The following NEK10 variants were observed in gnomAD, a reference collection of about 807,000 sequenced individuals.
NEK10 encodes NIMA related kinase 10, also known as serine/threonine-protein kinase Nek10.
In NEK10, 122 loss-of-function variants were observed where a neutral mutation model predicts 159.8. The observed-to-expected ratio is 0.76, with a 90% CI of 0.66 to 0.89. The LOEUF is 0.89. NEK10 is among the 40% of genes least tolerant of loss of function. The pLI, the probability that NEK10 is intolerant of heterozygous loss-of-function variation, is 0.00. For missense variants in NEK10, 1,342 were observed against 1,323.1 expected, an observed-to-expected ratio of 1.01 and a Z score of -0.22; for synonymous variants, 466 against 457.1, an observed-to-expected ratio of 1.02 and a Z score of -0.25.
At chr3:27,298,572 G>A (rs1461386795) in intron 13 of NEK10, among the ~76,000 whole-genome samples, 1 of 152,184 alleles carries the variant, frequency 6.6e-6, no homozygotes, top group African/African-American at 2.4e-5. Context: ...AATTGTGAAA[G>A]TGACTTTGGA....
intron 32 of NEK10, among the ~76,000 whole-genome samples, chr3:27,125,975 G>A (rs1941898527): frequency 6.6e-6 from 1 of 152,170 alleles, no homozygotes; most frequent in Non-Finnish European, 1.5e-5. Context: ...GGGAAGGAGA[G>A]CCCTGCTATA....
chr3:27,302,181 T>C (rs958234183), intron 12 of NEK10, among the ~76,000 whole-genome samples: 7 of 152,216 alleles, frequency 4.6e-5, no homozygotes, highest in Non-Finnish European at 8.8e-5. Context: ...CAATCTTCCT[T>C]TATTTTAAGA....
intron 31 of NEK10, among the ~76,000 whole-genome samples, chr3:27,135,287 A>G (rs999452730): frequency 6.6e-6 from 1 of 152,202 alleles, no homozygotes; most frequent in African/African-American, 2.4e-5. Flanking sequence ...ACATTTTTAC[A>G]TACTTTATTT....
chr3:27,328,984 A>T lies in NEK10; in HGVS notation c.363-6723T>A, dbSNP rs563333796. ...ACAAAAGATGAATTTACAGCAAAGG[A>T]GAGTGATATGGATTGGCTGTGTCCC... On this transcript the variant is annotated intron_variant, in intron 5 of 35. Transcript: ENST00000691995. Among the ~76,000 whole-genome samples the T allele has an allele frequency of 7.2e-5, 11 of 152,350 alleles. No homozygotes were observed. The East Asian group carries it at 2.1e-3, about 29-fold the overall frequency.
chr3:27,139,428 CA>C (rs1394981076), intron 31 of NEK10, among the ~76,000 whole-genome samples: 2 of 152,094 alleles, frequency 1.3e-5, no homozygotes, highest in African/African-American at 4.8e-5. Flanking sequence ...GGTCCTATTT[CA>C]ATATGATCCA....
chr3:27,226,008 G>C (rs1198535399), intron 23 of NEK10, among the ~76,000 whole-genome samples: 2 of 152,080 alleles, frequency 1.3e-5, no homozygotes, highest in African/African-American at 4.8e-5. Context: ...TTGAAGAAAT[G>C]TCCCAAACCA....
chr3:27,254,890 G>A (rs893785002), intron 23 of NEK10, among the ~76,000 whole-genome samples: 3 of 149,312 alleles, frequency 2.0e-5, no homozygotes, highest in South Asian at 2.1e-4. Context: ...TTCTTCCTAC[G>A]TATTCTATGG....
At chr3:27,322,349 G>C in intron 5 of NEK10, 88 bp from the exon 6 acceptor site, 1 of 771,748 alleles carries the variant, frequency 1.3e-6, no homozygotes, top group East Asian at 2.7e-5. Flanking sequence ...GGAGTATAAA[G>C]AACGCACTAA....
At chr3:27,307,967 C>T in intron 10 of NEK10, 22 bp from the exon 11 acceptor site, 1 of 1,155,462 alleles carries the variant, frequency 8.7e-7, no homozygotes, top group Non-Finnish European at 1.3e-6. Flanking sequence ...AAAATATTAG[C>T]AATTACTAAA....
At chr3:27,215,942 C>T (rs1393077087) in intron 23 of NEK10, 5 of 592,476 alleles carry the variant, frequency 8.4e-6, no homozygotes, top group South Asian at 2.2e-5. Context: ...GGGAGAAATT[C>T]GCCCCCATAA....
chr3:27,145,681 A>G (rs1021042806), intron 30 of NEK10, among the ~76,000 whole-genome samples: 3 of 152,118 alleles, frequency 2.0e-5, no homozygotes, highest in Non-Finnish European at 2.9e-5. Flanking sequence ...GACTAAATGC[A>G]TAAAACACCT....
intron 29 of NEK10, 132 bp downstream of exon 29, chr3:27,171,687 T>G (rs1575095380): frequency 4.9e-6 from 4 of 819,980 alleles, no homozygotes; most frequent in Non-Finnish European, 7.6e-6. Flanking sequence ...TAAACAGTTC[T>G]GGGCAAGTAA....
chr3:27,136,403 C>T (rs566269724), intron 31 of NEK10, among the ~76,000 whole-genome samples: 21 of 152,178 alleles, frequency 1.4e-4, no homozygotes, highest in Admixed American at 2.0e-4. Context: ...TGAGCCACCG[C>T]GCCCGGCCCC....
intron 23 of NEK10, chr3:27,206,432 T>A (rs2149070958): frequency 5.8e-6 from 1 of 170,950 alleles, no homozygotes; most frequent in South Asian, 1.9e-4. Flanking sequence ...TCGACTAGAA[T>A]AAAGGAGGTC....
chr3:27,173,865 A>G (rs956798057), intron 28 of NEK10, among the ~76,000 whole-genome samples: 13 of 152,214 alleles, frequency 8.5e-5, no homozygotes, highest in Non-Finnish European at 1.5e-4. Flanking sequence ...AACTTTATCT[A>G]AATATACCTT....
At chr3:27,321,050 G>A (rs2045587798) in intron 6 of NEK10, among the ~76,000 whole-genome samples, 1 of 151,880 alleles carries the variant, frequency 6.6e-6, no homozygotes, top group Non-Finnish European at 1.5e-5. Flanking sequence ...GGCACTTAAA[G>A]GAAACATATT....
At chr3:27,324,390 T>G (rs998704348) in intron 5 of NEK10, among the ~76,000 whole-genome samples, 1 of 152,214 alleles carries the variant, frequency 6.6e-6, no homozygotes, top group African/African-American at 2.4e-5. Context: ...GAATCTCAGT[T>G]TGATAGTCAG....
chr3:27,192,265 T>A (rs1048023566), intron 25 of NEK10, 23 bp from the exon 26 acceptor site: 1 of 1,577,184 alleles, frequency 6.3e-7, no homozygotes, highest in Non-Finnish European at 8.7e-7. Flanking sequence ...GAGATAATTA[T>A]AACACTCTGG....
At chr3:27,358,423 A>C (rs2048463896) in intron 1 of NEK10, among the ~76,000 whole-genome samples, 1 of 152,134 alleles carries the variant, frequency 6.6e-6, no homozygotes, top group South Asian at 2.1e-4. Context: ...TTCATTGTTG[A>C]ATTTTTAAAT....
Sources: gnomAD v4.1 joint callset for allele counts (sites outside exome capture counted in the v4.1 genomes callset) on GRCh38, gnomAD v4.1.1 for gene constraint, MANE v1.5 for transcripts, NCBI Gene and HGNC (gene_info 2026-07-23, HGNC 2026-07-21) for gene names.